Variants in NLE1 observed in about 807,000 individuals in gnomAD.
NLE1 encodes the protein notchless homolog 1, also known as notchless protein homolog 1.
In NLE1, 37 loss-of-function variants were observed where a neutral mutation model predicts 62.8. The ratio of observed to expected loss-of-function variants is 0.59; its 90% CI spans 0.45 to 0.78. The LOEUF (loss-of-function observed/expected upper bound fraction) is 0.78. Ranked by LOEUF, NLE1 falls within the 30% of genes least tolerant of loss-of-function variation. The probability of loss-of-function intolerance (pLI) is 0.00; values close to 1 mark genes in which losing one functional copy is unlikely to be tolerated. For synonymous variants in NLE1, 243 were observed against 253.0 expected, an observed-to-expected ratio of 0.96 and a Z score of 0.37; for missense variants, 555 against 637.9, an observed-to-expected ratio of 0.87 and a Z score of 1.40.
At chr17:35,132,550 C>T in intron 12 of NLE1, 101 bp from the exon 13 acceptor site, 1 of 1,066,446 alleles carries the variant, frequency 9.4e-7, no homozygotes, top group Non-Finnish European at 1.2e-6. Context: ...GTGGTCCACC[C>T]TCAGAGTCAC....
At chr17:35,134,997 A>G (rs1353194069) in intron 10 of NLE1, 5 of 574,916 alleles carry the variant, frequency 8.7e-6, no homozygotes, top group African/African-American at 1.8e-5. Flanking sequence ...GGTTGTAATG[A>G]GCCAAGATCG....
chr17:35,133,092 C>CT, intron 12 of NLE1, 79 bp downstream of exon 12: 1 of 1,369,292 alleles, frequency 7.3e-7, no homozygotes, highest in South Asian at 1.2e-5. Context: ...GAATTCTATG[C>CT]TGTAAGGGAA....
Position 35,129,846 on chromosome 17 carries a change from G to A in NLE1, c.*2591C>T. 1.1e-5 allele frequency: 16 copies of A among 1,426,400 alleles called. No homozygotes were observed. Among genetic ancestry groups the A allele is most frequent in the Non-Finnish European group, 1.4e-5 (15 of 1,094,910 alleles). 88.4% of individuals were successfully genotyped at this position (1,426,400 alleles called of 1,614,324 possible). A position where few individuals can be genotyped will look rare whatever the true frequency, so the allele number is the denominator to read the frequency against. On this transcript the variant is annotated 3_prime_UTR_variant, in exon 13 of 13. Coordinates refer to ENST00000442241, the MANE Select transcript of NLE1 (RefSeq NM_018096.5). ...GAGGTTTAAGGATTAAGCCACTCTG[G>A]GGCCCACTAGGAATGCAAACGAATG...
chr17:35,129,718 G>T lies in NLE1; in HGVS notation c.*2719C>A. ...AGAGAAGTCCAAAGCCAGGGAACCA[G>T]GGCTTTGGAGGTTGGGAACACCCCT... On this transcript the variant is annotated 3_prime_UTR_variant, in exon 13 of 13. Transcript: ENST00000442241. 1.3e-6 allele frequency: 2 copies of T among 1,570,904 alleles called. No homozygotes were observed. Among genetic ancestry groups the T allele is most frequent in the South Asian group, 2.3e-5 (2 of 86,434 alleles).
At position 35,136,504 on chromosome 17, in the gene NLE1, G is replaced by A. The variant is rs545727832; in HGVS notation, c.829-7C>T. The A allele has an allele frequency of 1.3e-5, 21 of 1,608,462 alleles. No homozygotes were observed. The East Asian group carries it at 4.5e-4, about 34-fold the overall frequency. ...GAGTCCGGCACAGCACACCCTACGGGAGAGCGAGTCAGGTCAGACACACAC... is the reference window on the plus strand; with the variant it reads ...GAGTCCGGCACAGCACACCCTACGGAAGAGCGAGTCAGGTCAGACACACAC... On this transcript the variant is annotated splice_region_variant and splice_polypyrimidine_tract_variant and intron_variant, in intron 7 of 12. Coordinates refer to ENST00000442241, the MANE Select transcript of NLE1 (RefSeq NM_018096.5).
At position 35,137,092 on chromosome 17, in the gene NLE1, G is replaced by T. The variant is rs765548594; in HGVS notation, c.737C>A (p.Thr246Asn). The change falls in exon 7 of 13, where the codon ACC becomes AAC. Residue 246 changes from threonine to asparagine, a missense_variant. Thr to Asn is a moderately conservative substitution (Grantham distance 65). Transcript: ENST00000442241. ...CCACCGGAGACAGGTGACCGACTGGGTGTGCCCGGTGAGGATGCGCTCACA... is the reference window on the plus strand; with the variant it reads ...CCACCGGAGACAGGTGACCGACTGGTTGTGCCCGGTGAGGATGCGCTCACA... ...GRCERILTGH[T>N]QSVTCLRWGG... The T allele has an allele frequency of 1.2e-6, 2 of 1,614,048 alleles. No homozygotes were observed. The highest frequency in any genetic ancestry group is 2.2e-5 in the South Asian group (2 of 91,048).
Position 35,129,621 on chromosome 17 carries a change from A to G in NLE1, c.*2816T>C, listed in dbSNP as rs183501037. 54 of 1,614,096 alleles carry G rather than the reference A, an allele frequency of 3.3e-5. No homozygotes were observed. The Admixed American group carries it at 6.0e-4, about 18-fold the overall frequency. On this transcript the variant is annotated 3_prime_UTR_variant, in exon 13 of 13. Coordinates refer to ENST00000442241, the MANE Select transcript of NLE1 (RefSeq NM_018096.5). Reference sequence around the variant, plus strand: ...TACTGCCTCAGTGTCCGTGCAGCCAACACAGCTGGGGTGGGGAAGTGGTGC... The same window carrying G: ...TACTGCCTCAGTGTCCGTGCAGCCAGCACAGCTGGGGTGGGGAAGTGGTGC...
At chr17:35,139,101 C>A in intron 4 of NLE1, 134 bp downstream of exon 4, 2 of 676,520 alleles carry the variant, frequency 3.0e-6, no homozygotes, top group South Asian at 1.9e-5. Context: ...ACTGCTTGAA[C>A]CCAGGAGTTC....
At chr17:35,137,253 A>T in intron 6 of NLE1, 60 bp from the exon 7 acceptor site, 1 of 1,454,858 alleles carries the variant, frequency 6.9e-7, no homozygotes, top group Non-Finnish European at 9.4e-7. Context: ...TGCCCATGGC[A>T]CCTCCCCATT....
chr17:35,137,500 G>T, intron 6 of NLE1, 43 bp downstream of exon 6: 2 of 1,489,066 alleles, frequency 1.3e-6, no homozygotes, highest in Non-Finnish European at 9.2e-7. Flanking sequence ...GGATGGCTTT[G>T]ATCCCCTGGC....
rs1646158819 is a variant in NLE1 at position 35,135,400 on chromosome 17, G to A, written c.1063C>T (p.Leu355=). Residue 355 remains leucine, a synonymous_variant, in exon 10 of 13, where the codon CTG becomes TTG. Coordinates refer to ENST00000442241, the MANE Select transcript of NLE1 (RefSeq NM_018096.5). ...TTTTTGTCCTCTGCTGGGGACCACA[G>A]GAATAAGGTGAAGTCGTCGGAGCCA... ...VSGSDDFTLF[L]WSPAEDKKPL... The A allele has an allele frequency of 1.2e-6, 2 of 1,614,202 alleles. No homozygotes were observed. Among genetic ancestry groups the A allele is most frequent in the Non-Finnish European group, 1.7e-6 (2 of 1,180,042 alleles).
chr17:35,139,215 A>G lies in NLE1; in HGVS notation c.460+20T>C. 1.9e-6 allele frequency: 3 copies of G among 1,609,828 alleles called. No homozygotes were observed. Among genetic ancestry groups the G allele is most frequent in the Non-Finnish European group, 2.5e-6 (3 of 1,176,832 alleles). ...CTCAAAAAAAAAGAAGACCCCCTAA[A>G]TGGCTAATTGCATACTGACCCTTGC... On this transcript the variant is annotated intron_variant, in intron 4 of 12. Transcript: ENST00000442241.
At position 35,130,689 on chromosome 17, in the gene NLE1, G is replaced by A. The variant is rs2091871786; in HGVS notation, c.*1748C>T. The A allele has an allele frequency of 4.0e-6, 2 of 496,672 alleles. No homozygotes were observed. Among genetic ancestry groups the A allele is most frequent in the Non-Finnish European group, 7.2e-6 (2 of 276,828 alleles). The allele number at this position is 496,672 out of a possible 1,614,324, so 30.8% of individuals were successfully genotyped here. On this transcript the variant is annotated 3_prime_UTR_variant, in exon 13 of 13. Coordinates refer to ENST00000442241, the MANE Select transcript of NLE1 (RefSeq NM_018096.5). ...AGACTCCCTCCTCCTCCAAATCTGG[G>A]CTGGGTCTAGGTCCCTCATTAAAGA...
At chr17:35,140,354 G>C (rs534799506) in intron 2 of NLE1, among the ~76,000 whole-genome samples, 1 of 151,882 alleles carries the variant, frequency 6.6e-6, no homozygotes, top group Non-Finnish European at 1.5e-5. Context: ...TCAGCCTCCC[G>C]AGTAGCTGGG....
Position 35,132,339 on chromosome 17 carries a change from G to A in NLE1, c.*98C>T, listed in dbSNP as rs765452781. 9.2e-7 allele frequency: 1 copy of A among 1,081,352 alleles called. No individual in the cohort carries two copies. The highest frequency in any genetic ancestry group is 2.2e-4 in the Middle Eastern group (1 of 4,610). The allele number at this position is 1,081,352 out of a possible 1,614,324, so 67.0% of individuals were successfully genotyped here. On this transcript the variant is annotated 3_prime_UTR_variant, in exon 13 of 13. Transcript: ENST00000442241. Reference sequence around the variant, plus strand: ...ATTCTCAGGTCCCCACTGGTGGGGAGGGTGTGTGCACTGCCATCTCAGCCT... The same window carrying A: ...ATTCTCAGGTCCCCACTGGTGGGGAAGGTGTGTGCACTGCCATCTCAGCCT...
In NLE1 at chr17:35,133,328, G is replaced by A. The variant is rs201814140; in HGVS notation, c.1374+11C>T. The A allele has an allele frequency of 1.9e-4, 303 of 1,614,180 alleles. No individual in the cohort carries two copies. In the African/African-American group the frequency reaches 3.6e-3, roughly 19 times the overall value. On this transcript the variant is annotated intron_variant, in intron 11 of 12. Transcript: ENST00000442241. ...ATCCCAGTCCCTCCTTTGCCTGAGG[G>A]TTGGCCCTACCTCATCCGCGTGGCC...
At position 35,139,854 on chromosome 17, in the gene NLE1, C is replaced by T. The variant is rs778973108; in HGVS notation, c.375G>A (p.Thr125=). 5.0e-6 allele frequency: 8 copies of T among 1,612,406 alleles called. No homozygotes were observed. The highest frequency in any genetic ancestry group is 4.5e-5 in the East Asian group (2 of 44,886). ...GAGTCTGCAGCTGTCCTTACTTTCCCGTAGGGCTGAAGGCCACAGAAATGA... is the reference window on the plus strand; with the variant it reads ...GAGTCTGCAGCTGTCCTTACTTTCCTGTAGGGCTGAAGGCCACAGAAATGA... ...EAVISVAFSP[T]GKYLASGSGD... Residue 125 remains threonine (T), a synonymous_variant, in exon 3 of 13, where the codon ACG becomes ACA. Transcript: ENST00000442241.
intron 7 of NLE1, 137 bp from the exon 8 acceptor site, chr17:35,136,634 G>GAGAGAC: frequency 9.0e-7 from 1 of 1,105,592 alleles, no homozygotes; most frequent in Non-Finnish European, 1.3e-6. Flanking sequence ...CCCCTCTGGG[G>GAGAGAC]TCAAGTCTCT....
intron 12 of NLE1, among the ~76,000 whole-genome samples, chr17:35,132,799 TAC>T (rs1393543252): frequency 2.0e-5 from 3 of 152,260 alleles, no homozygotes; most frequent in African/African-American, 7.2e-5. Context: ...TCTCTGTGAT[TAC>T]TCCATGGCAG....
Sources: gnomAD v4.1 joint callset for allele counts (sites outside exome capture counted in the v4.1 genomes callset) on GRCh38, gnomAD v4.1.1 for gene constraint, MANE v1.5 for transcripts, NCBI Gene and HGNC (gene_info 2026-07-23, HGNC 2026-07-21) for gene names.